DLGAP2: variants seen among roughly 807,000 people sequenced by gnomAD.
DLGAP2 encodes the protein DLG associated protein 2.
Under a neutral mutation model 100.3 loss-of-function variants are expected in DLGAP2, and 26 were observed. The observed-to-expected ratio is 0.26, with a 90% CI of 0.19 to 0.36. The LOEUF (loss-of-function observed/expected upper bound fraction) is 0.36, where lower values mean the gene tolerates loss of function less well. Ranked by LOEUF, DLGAP2 falls within the 10% of genes least tolerant of loss-of-function variation. DLGAP2 has a pLI of 1.00. For missense variants in DLGAP2, 1,858 were observed against 1,453.2 expected, an observed-to-expected ratio of 1.28 and a Z score of -4.53; for synonymous variants, 886 against 630.1, an observed-to-expected ratio of 1.41 and a Z score of -6.08.
At position 1,208,358 on chromosome 8, in the gene DLGAP2, G is replaced by T. The variant is rs554678326; in HGVS notation, c.74-50493G>T. On this transcript the variant is annotated intron_variant, in intron 2 of 14. Transcript: ENST00000637795. ...TTATGTTTTTGTTTGGTTTGTTAAA[G>T]ATCAGTTGGCTGTAAAATCACATGA... 2.9e-4 allele frequency among the ~76,000 whole-genome samples: 44 copies of T among 152,246 alleles called. No individual in the cohort carries two copies. In the South Asian group the frequency reaches 4.8e-3, roughly 17 times the overall value.
chr8:1,020,049 T>C (rs1460699070), intron 2 of DLGAP2, among the ~76,000 whole-genome samples: 1 of 152,236 alleles, frequency 6.6e-6, no homozygotes, highest in Non-Finnish European at 1.5e-5. Context: ...AATAAGTAGA[T>C]ACATGCATTA....
intron 5 of DLGAP2, among the ~76,000 whole-genome samples, chr8:1,553,007 A>T (rs1015039497): frequency 1.3e-5 from 2 of 152,178 alleles, no homozygotes; most frequent in Admixed American, 6.5e-5. Context: ...GCCGTGGCTT[A>T]GCTCAGGATG....
chr8:852,143 T>A (rs1585932249), intron 1 of DLGAP2, among the ~76,000 whole-genome samples: 1 of 150,314 alleles, frequency 6.7e-6, no homozygotes, highest in Admixed American at 6.7e-5. Flanking sequence ...AGGGACACAT[T>A]GGAAGCTAAA....
intron 3 of DLGAP2, among the ~76,000 whole-genome samples, chr8:1,428,426 G>C (rs1797298575): frequency 1.3e-5 from 2 of 152,148 alleles, no homozygotes; most frequent in South Asian, 4.1e-4. Context: ...GAGAGAGAGA[G>C]AGAGAAAGAG....
At chr8:1,180,684 G>A (rs1173128349) in intron 2 of DLGAP2, among the ~76,000 whole-genome samples, 1 of 151,668 alleles carries the variant, frequency 6.6e-6, no homozygotes, top group Non-Finnish European at 1.5e-5. Flanking sequence ...TGCCAGGGCA[G>A]TACAATTACC....
intron 3 of DLGAP2, among the ~76,000 whole-genome samples, chr8:1,363,985 C>G (rs1235777923): frequency 2.6e-5 from 4 of 152,152 alleles, no homozygotes; most frequent in Non-Finnish European, 1.5e-5. Context: ...CTCCCCAGCC[C>G]CTCATCCTCT....
rs148226529 is a variant in DLGAP2 at position 1,368,415 on chromosome 8, G to T, written c.106+109532G>T. 8.8e-3 allele frequency among the ~76,000 whole-genome samples: 1,340 copies of T among 152,200 alleles called. 20 individuals are homozygous for T. Among genetic ancestry groups the T allele is most frequent in the African/African-American group, 0.03 (1,264 of 41,510 alleles). Reference sequence around the variant, plus strand: ...TGTGGGTATGTGTGTGTGCATGTATGTATGTGTGCAAGTTGTGTGGCCACA... The same window carrying T: ...TGTGGGTATGTGTGTGTGCATGTATTTATGTGTGCAAGTTGTGTGGCCACA... On this transcript the variant is annotated intron_variant, in intron 3 of 14. Transcript: ENST00000637795.
chr8:864,852 G>C (rs555495436), intron 1 of DLGAP2, among the ~76,000 whole-genome samples: 1 of 152,104 alleles, frequency 6.6e-6, no homozygotes, highest in Non-Finnish European at 1.5e-5. Context: ...ATTTATATTG[G>C]TCAGTGTTCT....
intron 3 of DLGAP2, among the ~76,000 whole-genome samples, chr8:1,434,526 G>A (rs1225582790): frequency 6.6e-6 from 1 of 152,060 alleles, no homozygotes; most frequent in African/African-American, 2.4e-5. Context: ...TCCCAGCCTG[G>A]AGGGCAGTGG....
chr8:1,083,854 T>C (rs1330703507), intron 2 of DLGAP2, among the ~76,000 whole-genome samples: 2 of 152,220 alleles, frequency 1.3e-5, no homozygotes, highest in African/African-American at 4.8e-5. Context: ...TTTTTCTTAA[T>C]ATAGAAAGTG....
At chr8:1,624,799 C>T (rs1797447622) in intron 6 of DLGAP2, among the ~76,000 whole-genome samples, 1 of 151,842 alleles carries the variant, frequency 6.6e-6, no homozygotes, top group Admixed American at 6.6e-5. Context: ...GTGCTTCATA[C>T]CCAGTAAAAT....
intron 2 of DLGAP2, among the ~76,000 whole-genome samples, chr8:1,257,678 G>A (rs1374662359): frequency 6.6e-6 from 1 of 151,648 alleles, no homozygotes; most frequent in East Asian, 1.9e-4. Context: ...CTTTCTGAGG[G>A]CCCGTGCAGG....
intron 3 of DLGAP2, among the ~76,000 whole-genome samples, chr8:1,470,113 G>A (rs1406324802): frequency 1.3e-5 from 2 of 152,190 alleles, no homozygotes; most frequent in African/African-American, 4.8e-5. Context: ...AATGAGCTGT[G>A]ATCATGCCAC....
chr8:1,217,864 TAGGATTTTTAAAATATGC>T (rs1798243885), intron 2 of DLGAP2, among the ~76,000 whole-genome samples: 1 of 152,202 alleles, frequency 6.6e-6, no homozygotes, highest in African/African-American at 2.4e-5. Flanking sequence ...TAGTGATGTT[TAGGATTTTTAAAATATGC>T]TTGTTGCTTG....
chr8:1,668,288 G>T, intron 8 of DLGAP2, 41 bp from the exon 9 acceptor site: 1 of 1,441,194 alleles, frequency 6.9e-7, no homozygotes, highest in Non-Finnish European at 9.2e-7. Context: ...GGCTGACGGG[G>T]AAGAACACGC....
At chr8:1,140,424 C>T (rs1256809304) in intron 2 of DLGAP2, among the ~76,000 whole-genome samples, 1 of 152,142 alleles carries the variant, frequency 6.6e-6, no homozygotes, top group Middle Eastern at 3.2e-3. Context: ...GTTCCCCTAC[C>T]AGTGGTCTGT....
At chr8:1,472,438 G>T (rs749660234) in intron 3 of DLGAP2, among the ~76,000 whole-genome samples, 1 of 152,140 alleles carries the variant, frequency 6.6e-6, no homozygotes, top group Non-Finnish European at 1.5e-5. Flanking sequence ...GAATGACATG[G>T]TCTGGTATAC....
intron 4 of DLGAP2, among the ~76,000 whole-genome samples, chr8:1,527,167 C>G (rs1800823069): frequency 6.6e-6 from 1 of 152,268 alleles, no homozygotes; most frequent in Admixed American, 6.5e-5. Flanking sequence ...TGTGAGTTCA[C>G]AAATCCGTGA....
rs574379725 is a variant in DLGAP2, at chr8:1,682,577, T to C, written c.2704+3948T>C. 6.7e-3 allele frequency among the ~76,000 whole-genome samples: 975 copies of C among 146,368 alleles called. 6 individuals carry two copies. The highest frequency in any genetic ancestry group is 0.011 in the Non-Finnish European group (719 of 64,048). ...GCAACCTCAGCCTCCCGAGTTCAAG[T>C]GATTCTCCTGCCTCAGCCTCCCAAG... is the stretch of plus-strand genomic sequence containing the variant. On this transcript the variant is annotated intron_variant, in intron 12 of 14. Coordinates refer to ENST00000637795, the MANE Select transcript of DLGAP2 (RefSeq NM_001346810.2).
Sources: gnomAD v4.1 joint callset for allele counts (sites outside exome capture counted in the v4.1 genomes callset) on GRCh38, gnomAD v4.1.1 for gene constraint, MANE v1.5 for transcripts, NCBI Gene and HGNC (gene_info 2026-07-23, HGNC 2026-07-21) for gene names.